The following NEMP2 variants were observed in gnomAD, a reference collection of about 807,000 sequenced individuals.
NEMP2 encodes the protein nuclear envelope integral membrane protein 2, also known as UPF0571 transmembrane protein.
A neutral mutation model predicts 54.2 loss-of-function variants in NEMP2; 53 were observed. The observed-to-expected ratio is 0.98, with a 90% CI of 0.78 to 1.23. The LOEUF is 1.23. Among genes scored for constraint, NEMP2 ranks in the 50% most tolerant of loss-of-function variants. NEMP2 has a pLI of 0.00. For synonymous variants in NEMP2, 197 were observed against 190.3 expected, an observed-to-expected ratio of 1.04 and a Z score of -0.29; for missense variants, 455 against 511.3, an observed-to-expected ratio of 0.89 and a Z score of 1.06.
the NEMP2 span, chr2:190,442,713 A>C: frequency 6.6e-6 from 1 of 152,266 alleles, no homozygotes; most frequent in Non-Finnish European, 1.5e-5. Context: ...GAAATTCAGA[A>C]AGGAGATGTA....
In NEMP2 at chr2:190,512,251, A is replaced by G. The variant is rs1320978314; in HGVS notation, c.954-1714T>C. ...CTTTGCTCATATGAAAAAAATTAAA[A>G]TGAAAGCAATAATATCTCCCTCATC... On this transcript the variant is annotated intron_variant, in intron 7 of 8. Transcript: ENST00000409150. The surrounding 1 kb of genome is among the most constrained non-coding windows in gnomAD (Gnocchi z 4.5). Among the ~76,000 whole-genome samples the G allele has an allele frequency of 6.6e-6, 1 of 152,184 alleles. No homozygotes were observed. Among genetic ancestry groups the G allele is most frequent in the East Asian group, 1.9e-4 (1 of 5,196 alleles).
At chr2:190,459,890 T>G in the NEMP2 span, among the ~76,000 whole-genome samples, 1 of 152,238 alleles carries the variant, frequency 6.6e-6, no homozygotes, top group Admixed American at 6.5e-5. The surrounding 1 kb of genome is among the most constrained non-coding windows in gnomAD (Gnocchi z 5.3). Flanking sequence ...CACAGCTAAA[T>G]ATTATTTCTA....
At chr2:190,535,363 G>A (rs1691340148), upstream of NEMP2, among the ~76,000 whole-genome samples, 1 of 151,966 alleles carries the variant, frequency 6.6e-6, no homozygotes, top group Admixed American at 6.5e-5. Context: ...ACATGACAAG[G>A]TTCTCTTAAA....
the NEMP2 span, among the ~76,000 whole-genome samples, chr2:190,448,556 A>G: frequency 6.6e-6 from 1 of 152,236 alleles, no homozygotes; most frequent in Non-Finnish European, 1.5e-5. Flanking sequence ...GGAAAAAAGC[A>G]GGTTTCAAAA....
the NEMP2 span, among the ~76,000 whole-genome samples, chr2:190,458,012 A>G: frequency 6.6e-6 from 1 of 152,212 alleles, no homozygotes; most frequent in East Asian, 1.9e-4. The surrounding 1 kb of genome is among the most constrained non-coding windows in gnomAD (Gnocchi z 5.3). Flanking sequence ...GTCCTCCTCT[A>G]AGGATACAGC....
rs1180202488 is a variant in NEMP2, at chr2:190,510,159, CAG to C, written c.1130+200_1130+201del. ...CTTTATAGCCTTCCCTATAAAACAT[CAG>C]ATAAATATTTATTCTGACATCAGCA... On this transcript the variant is annotated intron_variant, in intron 8 of 8. Coordinates refer to ENST00000409150, the MANE Select transcript of NEMP2 (RefSeq NM_001142645.2). This position sits in a 1 kb window ranked among gnomAD's most constrained non-coding sequence, Gnocchi z 5.7. Among the ~76,000 whole-genome samples, 3 of 152,176 alleles carry C rather than the reference CAG, an allele frequency of 2.0e-5. No individual in the cohort carries two copies.
chr2:190,626,282 T>C, the NEMP2 span: 5 of 152,148 alleles, frequency 3.3e-5, no homozygotes, highest in East Asian at 1.9e-4. This position sits in a 1 kb window ranked among gnomAD's most constrained non-coding sequence, Gnocchi z 4.5. Flanking sequence ...ATTCAGTCCA[T>C]AGTAGTGACA....
chr2:190,573,203 C>T, the NEMP2 span, among the ~76,000 whole-genome samples: 2 of 152,078 alleles, frequency 1.3e-5, no homozygotes, highest in African/African-American at 4.8e-5. Context: ...CAAGTACTTA[C>T]TCTCCCTATG....
At chr2:190,579,263 A>G in the NEMP2 span, among the ~76,000 whole-genome samples, 54 of 151,852 alleles carry the variant, frequency 3.6e-4, no homozygotes, top group South Asian at 6.7e-3. Flanking sequence ...AATAACTGCA[A>G]TGAATACATA....
upstream of NEMP2, among the ~76,000 whole-genome samples, chr2:190,538,422 C>G (rs530011084): frequency 6.6e-6 from 1 of 152,070 alleles, no homozygotes; most frequent in African/African-American, 2.4e-5. The surrounding 1 kb of genome is among the most constrained non-coding windows in gnomAD (Gnocchi z 4.1). Context: ...GTGAATAGTG[C>G]TTCAGTAAAC....
the NEMP2 span, among the ~76,000 whole-genome samples, chr2:190,584,341 G>A: frequency 6.6e-6 from 1 of 152,020 alleles, no homozygotes; most frequent in South Asian, 2.1e-4. The surrounding 1 kb of genome is among the most constrained non-coding windows in gnomAD (Gnocchi z 4.2). Context: ...GAAATCAAAG[G>A]AAAAATCCAC....
the NEMP2 span, among the ~76,000 whole-genome samples, chr2:190,490,445 C>A: frequency 2.6e-5 from 4 of 151,784 alleles, no homozygotes; most frequent in Non-Finnish European, 5.9e-5. This position sits in a 1 kb window ranked among gnomAD's most constrained non-coding sequence, Gnocchi z 4.5. Context: ...CGCCTGTAAT[C>A]CCAGCTACTC....
At chr2:190,560,115 A>C in the NEMP2 span, among the ~76,000 whole-genome samples, 3 of 152,190 alleles carry the variant, frequency 2.0e-5, no homozygotes, top group Non-Finnish European at 4.4e-5. This position sits in a 1 kb window ranked among gnomAD's most constrained non-coding sequence, Gnocchi z 5.4. Flanking sequence ...TCAGGGCAAA[A>C]ATGAGAAGCC....
downstream of NEMP2, among the ~76,000 whole-genome samples, chr2:190,499,382 T>C (rs1051164589): frequency 1.3e-5 from 2 of 152,244 alleles, no homozygotes; most frequent in Non-Finnish European, 2.9e-5. This position sits in a 1 kb window ranked among gnomAD's most constrained non-coding sequence, Gnocchi z 6.0. Context: ...ACAACCAATA[T>C]GGCATTTATG....
At chr2:190,569,567 T>A in the NEMP2 span, among the ~76,000 whole-genome samples, 1 of 152,210 alleles carries the variant, frequency 6.6e-6, no homozygotes, top group Admixed American at 6.5e-5. Flanking sequence ...CTTGGTAGAC[T>A]GAAAATAACT....
chr2:190,584,898 T>TGAAAGAAAGAAAGAAA, the NEMP2 span, among the ~76,000 whole-genome samples: 20 of 120,132 alleles, frequency 1.7e-4, no homozygotes, highest in Admixed American at 2.7e-4. The surrounding 1 kb of genome is among the most constrained non-coding windows in gnomAD (Gnocchi z 4.2). Context: ...AAAACAACAA[T>TGAAAGAAAGAAAGAAA]GAAAGAAAGA....
At chr2:190,486,403 A>C in the NEMP2 span, among the ~76,000 whole-genome samples, 3 of 152,220 alleles carry the variant, frequency 2.0e-5, no homozygotes, top group African/African-American at 2.4e-5. Context: ...TCTCCCTATG[A>C]TGCTATCTCC....
chr2:190,640,397 G>A, the NEMP2 span, among the ~76,000 whole-genome samples: 1 of 151,912 alleles, frequency 6.6e-6, no homozygotes, highest in African/African-American at 2.4e-5. Flanking sequence ...GTGATTATTT[G>A]GAACAGTTTA....
chr2:190,447,494 C>T, the NEMP2 span, among the ~76,000 whole-genome samples: 5 of 152,004 alleles, frequency 3.3e-5, no homozygotes, highest in Non-Finnish European at 7.4e-5. This position sits in a 1 kb window ranked among gnomAD's most constrained non-coding sequence, Gnocchi z 4.5. Context: ...TACATATAGT[C>T]TGTGTCATAG....
Sources: gnomAD v4.1 joint callset for allele counts (sites outside exome capture counted in the v4.1 genomes callset) on GRCh38, gnomAD v4.1.1 for gene constraint, Gnocchi (gnomAD v3.1) non-coding constraint, MANE v1.5 for transcripts, NCBI Gene and HGNC (gene_info 2026-07-23, HGNC 2026-07-21) for gene names.